The following NRG3 variants were observed in gnomAD, a reference collection of about 807,000 sequenced individuals.
NRG3 encodes neuregulin 3, also known as pro-neuregulin-3, membrane-bound isoform.
NRG3 carries 31 observed loss-of-function variants against 66.9 expected under a neutral mutation model. That is an observed-to-expected ratio of 0.46 (90% confidence interval 0.35 to 0.63). NRG3 has a LOEUF of 0.63. Among genes scored for constraint, NRG3 ranks in the 20% least tolerant of loss-of-function variants. The probability of loss-of-function intolerance (pLI) is 0.00; values close to 1 mark genes in which losing one functional copy is unlikely to be tolerated. For synonymous variants in NRG3, 393 were observed against 359.4 expected (o/e 1.09, Z -1.06); for missense variants, 910 against 878.9 (o/e 1.04, Z -0.45).
At chr10:82,029,073 G>A (rs975396430) in intron 1 of NRG3, among the ~76,000 whole-genome samples, 2 of 152,020 alleles carry the variant, frequency 1.3e-5, no homozygotes, top group Admixed American at 6.6e-5. Context: ...GCCAGGCATG[G>A]TCGTGGGCGC....
chr10:82,541,770 C>G (rs2043558240), intron 2 of NRG3, among the ~76,000 whole-genome samples: 1 of 152,080 alleles, frequency 6.6e-6, no homozygotes, highest in Admixed American at 6.5e-5. Flanking sequence ...GGTCTCCGCC[C>G]TTAATCTATA....
In NRG3 at chr10:82,275,903, T is replaced by C. The variant is rs569799359; in HGVS notation, c.824-82836T>C. Among the ~76,000 whole-genome samples the C allele has an allele frequency of 3.0e-3, 455 of 152,132 alleles. 4 individuals are homozygous for C. Among genetic ancestry groups the C allele is most frequent in the African/African-American group, 0.011 (437 of 41,540 alleles). On this transcript the variant is annotated intron_variant, in intron 1 of 8. Coordinates refer to ENST00000372141, the MANE Select transcript of NRG3 (RefSeq NM_001010848.4). ...TTCCAATGATATTATGAATCATGTA[T>C]GTCCTGTCAAAGAAAATGATCACTT...
At chr10:82,802,441 C>T (rs978625815) in intron 3 of NRG3, among the ~76,000 whole-genome samples, 14 of 152,234 alleles carry the variant, frequency 9.2e-5, no homozygotes, top group African/African-American at 3.1e-4. Flanking sequence ...AATTGGTGAG[C>T]TCAGGTTTAA....
chr10:82,359,202 C>A (rs1165829879), intron 2 of NRG3, among the ~76,000 whole-genome samples: 1 of 152,198 alleles, frequency 6.6e-6, no homozygotes, highest in Non-Finnish European at 1.5e-5. Flanking sequence ...TATCCTAGTA[C>A]TCAGAAATAA....
intron 2 of NRG3, among the ~76,000 whole-genome samples, chr10:82,575,707 A>C (rs2045985842): frequency 6.6e-6 from 1 of 151,796 alleles, no homozygotes; most frequent in Non-Finnish European, 1.5e-5. Flanking sequence ...TGGGGCCAAA[A>C]ATCAAAGGGA....
chr10:82,699,383 A>G (rs1234297646), intron 2 of NRG3, among the ~76,000 whole-genome samples: 2 of 152,044 alleles, frequency 1.3e-5, no homozygotes, highest in Non-Finnish European at 2.9e-5. Flanking sequence ...ATTACTAGTT[A>G]TAACACCTGA....
chr10:82,102,571 AT>A (rs961995660), intron 1 of NRG3, among the ~76,000 whole-genome samples: 5 of 150,940 alleles, frequency 3.3e-5, no homozygotes, highest in Non-Finnish European at 7.4e-5. Flanking sequence ...TTATTTGAAT[AT>A]TTTTATCATG....
At chr10:82,385,608 C>T (rs891396281) in intron 2 of NRG3, among the ~76,000 whole-genome samples, 1 of 151,930 alleles carries the variant, frequency 6.6e-6, no homozygotes, top group African/African-American at 2.4e-5. Context: ...AGACTCTATA[C>T]AAGGAATAAG....
chr10:82,412,256 T>C (rs539561424), intron 2 of NRG3, among the ~76,000 whole-genome samples: 73 of 152,276 alleles, frequency 4.8e-4, no homozygotes, highest in African/African-American at 1.6e-3. Context: ...AGGTATACAT[T>C]GGGAACGTTG....
At chr10:82,865,537 C>G in intron 4 of NRG3, 100 bp downstream of exon 4, 1 of 1,214,358 alleles carries the variant, frequency 8.2e-7, no homozygotes, top group Non-Finnish European at 1.2e-6. Context: ...TGAAATGTCT[C>G]ATTATCAGAT....
intron 2 of NRG3, among the ~76,000 whole-genome samples, chr10:82,565,512 C>T (rs887703769): frequency 1.3e-5 from 2 of 152,104 alleles, no homozygotes; most frequent in African/African-American, 2.4e-5. Context: ...ACCAAACACA[C>T]ACAGACAGAT....
intron 1 of NRG3, among the ~76,000 whole-genome samples, chr10:82,011,886 G>A (rs569518403): frequency 1.3e-4 from 20 of 152,242 alleles, no homozygotes; most frequent in South Asian, 1.2e-3. Context: ...TCAGAGGCTG[G>A]TGTTGAGTGT....
chr10:81,945,899 A>G (rs1417156022), intron 1 of NRG3, among the ~76,000 whole-genome samples: 1 of 152,174 alleles, frequency 6.6e-6, no homozygotes, highest in African/African-American at 2.4e-5. Flanking sequence ...TGATGTATCT[A>G]TAAGCCAGGA....
At chr10:82,611,478 C>T (rs2048310367) in intron 2 of NRG3, among the ~76,000 whole-genome samples, 1 of 152,024 alleles carries the variant, frequency 6.6e-6, no homozygotes, top group South Asian at 2.1e-4. Context: ...TCCATGTGTT[C>T]TCATTGTTCA....
At chr10:82,081,172 C>T (rs1419265436) in intron 1 of NRG3, among the ~76,000 whole-genome samples, 2 of 152,122 alleles carry the variant, frequency 1.3e-5, no homozygotes, top group African/African-American at 2.4e-5. Context: ...TCTGACATCC[C>T]ACGGTTTAAA....
At chr10:82,260,164 G>T (rs1346416372) in intron 1 of NRG3, among the ~76,000 whole-genome samples, 1 of 152,158 alleles carries the variant, frequency 6.6e-6, no homozygotes, top group African/African-American at 2.4e-5. Context: ...TCATAGTCAG[G>T]CTAAAGGGCT....
chr10:82,396,888 G>C (rs1376475014), intron 2 of NRG3, among the ~76,000 whole-genome samples: 1 of 152,070 alleles, frequency 6.6e-6, no homozygotes. Flanking sequence ...ATAGCTGCTG[G>C]ATATGGTCAC....
intron 2 of NRG3, among the ~76,000 whole-genome samples, chr10:82,435,126 G>C (rs1045936595): frequency 6.6e-6 from 1 of 152,082 alleles, no homozygotes; most frequent in Non-Finnish European, 1.5e-5. Context: ...TTCAGAGCTT[G>C]TTATTGGTTT....
At chr10:81,964,920 G>A (rs2059674980) in intron 1 of NRG3, among the ~76,000 whole-genome samples, 1 of 152,088 alleles carries the variant, frequency 6.6e-6, no homozygotes. Flanking sequence ...GGATACCATA[G>A]AAGTGTATAT....
Sources: allele counts gnomAD v4.1 joint callset (sites outside exome capture counted in the v4.1 genomes callset), GRCh38; gene constraint gnomAD v4.1.1; transcripts MANE v1.5; gene names NCBI Gene and HGNC (gene_info 2026-07-23, HGNC 2026-07-21).